Variants in TENM3 observed in about 807,000 individuals in gnomAD.
TENM3 encodes teneurin-3.
Under a neutral mutation model 255.1 loss-of-function variants are expected in TENM3, and 63 were observed. The ratio of observed to expected loss-of-function variants is 0.25; its 90% CI spans 0.20 to 0.30. The LOEUF (loss-of-function observed/expected upper bound fraction) is 0.30, where lower values mean the gene tolerates loss of function less well. TENM3 is among the 10% of genes least tolerant of loss of function. The pLI, the probability that TENM3 is intolerant of heterozygous loss-of-function variation, is 1.00. For missense variants in TENM3, 2,929 were observed against 3,461.1 expected (o/e 0.85, Z 3.86); for synonymous variants, 1,306 against 1,322.3 (o/e 0.99, Z 0.27).
the TENM3 span, among the ~76,000 whole-genome samples, chr4:181,603,877 T>C: frequency 6.6e-6 from 1 of 152,160 alleles, no homozygotes; most frequent in Non-Finnish European, 1.5e-5. Context: ...CTAAAGAAAT[T>C]CCTATTGTGG....
chr4:182,540,344 C>T (rs913656558), intron 3 of TENM3, among the ~76,000 whole-genome samples: 2 of 152,202 alleles, frequency 1.3e-5, no homozygotes, highest in Non-Finnish European at 2.9e-5. Context: ...AATCCCAACA[C>T]TTTGGGAGGC....
chr4:182,413,830 A>C (rs750504076), intron 3 of TENM3, among the ~76,000 whole-genome samples: 2 of 152,252 alleles, frequency 1.3e-5, no homozygotes, highest in African/African-American at 2.4e-5. Context: ...TTTAATAAAC[A>C]GTGCAAGGGG....
the TENM3 span, among the ~76,000 whole-genome samples, chr4:181,521,177 C>A: frequency 6.6e-6 from 1 of 152,314 alleles, no homozygotes; most frequent in Non-Finnish European, 1.5e-5. Context: ...CATCTGAGAC[C>A]CTGGCGCCCT....
the TENM3 span, among the ~76,000 whole-genome samples, chr4:181,752,008 T>G: frequency 2.6e-5 from 4 of 152,186 alleles, no homozygotes; most frequent in African/African-American, 9.6e-5. Flanking sequence ...TGACTTGGCT[T>G]TCTTGCATAT....
chr4:182,406,291 C>A (rs780748452), intron 3 of TENM3, among the ~76,000 whole-genome samples: 1 of 151,166 alleles, frequency 6.6e-6, no homozygotes, highest in Non-Finnish European at 1.5e-5. Context: ...GGCCACAGAG[C>A]GAGACTCCAT....
At chr4:182,522,050 CA>C (rs1240551685) in intron 3 of TENM3, among the ~76,000 whole-genome samples, 1 of 152,144 alleles carries the variant, frequency 6.6e-6, no homozygotes, top group Admixed American at 6.5e-5. Flanking sequence ...AAAATTTAAA[CA>C]TTTTTTATTG....
chr4:182,774,327 C>T (rs1290952299), intron 23 of TENM3, among the ~76,000 whole-genome samples: 1 of 152,144 alleles, frequency 6.6e-6, no homozygotes. Context: ...TGCTTGAATT[C>T]ATTCCTTCCC....
chr4:182,301,736 C>T (rs1761868379), intron 1 of TENM3, among the ~76,000 whole-genome samples: 1 of 152,104 alleles, frequency 6.6e-6, no homozygotes, highest in Non-Finnish European at 1.5e-5. Context: ...AGAATGAATA[C>T]ACTGGGAAGA....
At chr4:182,180,003 C>G (rs976394055) in intron 1 of TENM3, among the ~76,000 whole-genome samples, 7 of 151,988 alleles carry the variant, frequency 4.6e-5, no homozygotes, top group Admixed American at 3.9e-4. Context: ...ATCCACTTCC[C>G]TAAGTTACAG....
chr4:181,506,865 T>C, the TENM3 span, among the ~76,000 whole-genome samples: 49 of 152,048 alleles, frequency 3.2e-4, no homozygotes, highest in African/African-American at 1.0e-3. Flanking sequence ...GTAACTCTTA[T>C]TAGAATTCCT....
the TENM3 span, among the ~76,000 whole-genome samples, chr4:181,484,818 C>A: frequency 6.6e-6 from 1 of 152,074 alleles, no homozygotes; most frequent in African/African-American, 2.4e-5. Context: ...AAAGTAATTT[C>A]CTACCCTGCC....
intron 3 of TENM3, among the ~76,000 whole-genome samples, chr4:182,417,633 G>GA (rs776736877): frequency 6.6e-6 from 1 of 152,182 alleles, no homozygotes; most frequent in Non-Finnish European, 1.5e-5. Context: ...CTTTGAGGGG[G>GA]AAAAAATTGT....
intron 3 of TENM3, among the ~76,000 whole-genome samples, chr4:182,439,343 T>G (rs1009054051): frequency 2.6e-4 from 39 of 152,230 alleles, no homozygotes; most frequent in Admixed American, 1.3e-4. Context: ...CTGCTGAAGT[T>G]GCCCCTAGCA....
intron 3 of TENM3, among the ~76,000 whole-genome samples, chr4:182,482,453 T>A (rs1028157729): frequency 6.6e-6 from 1 of 152,184 alleles, no homozygotes; most frequent in Non-Finnish European, 1.5e-5. Flanking sequence ...ATTGTGATTT[T>A]AAAAAAATTA....
At chr4:181,764,092 A>G in the TENM3 span, among the ~76,000 whole-genome samples, 1 of 152,218 alleles carries the variant, frequency 6.6e-6, no homozygotes, top group Non-Finnish European at 1.5e-5. Context: ...GCTATATTAC[A>G]ATATTCTGCT....
the TENM3 span, among the ~76,000 whole-genome samples, chr4:181,801,695 T>TAC: frequency 7.9e-6 from 1 of 125,910 alleles, no homozygotes; most frequent in African/African-American, 3.1e-5. Flanking sequence ...TATATATATA[T>TAC]ATGCAACAAT....
the TENM3 span, among the ~76,000 whole-genome samples, chr4:181,847,371 G>A: frequency 3.3e-5 from 5 of 152,084 alleles, no homozygotes; most frequent in Non-Finnish European, 7.4e-5. Context: ...CATATTAAAG[G>A]TAAAGAGATA....
At chr4:181,671,353 A>G in the TENM3 span, among the ~76,000 whole-genome samples, 1 of 152,162 alleles carries the variant, frequency 6.6e-6, no homozygotes, top group Admixed American at 6.5e-5. Context: ...TACCAGCTGT[A>G]TTTACTGTCG....
At chr4:182,059,468 T>A in the TENM3 span, among the ~76,000 whole-genome samples, 5 of 152,172 alleles carry the variant, frequency 3.3e-5, no homozygotes, top group East Asian at 9.7e-4. Context: ...AACAAATATT[T>A]AGGTAATTTT....
Sources: gnomAD v4.1 joint callset for allele counts (sites outside exome capture counted in the v4.1 genomes callset) on GRCh38, gnomAD v4.1.1 for gene constraint, MANE v1.5 for transcripts, NCBI Gene and HGNC (gene_info 2026-07-23, HGNC 2026-07-21) for gene names.